The following MALRD1 variants were observed in gnomAD, a reference collection of about 807,000 sequenced individuals.
The protein encoded by MALRD1 is MAM and LDL-receptor class A domain-containing protein 1.
In MALRD1, 247 loss-of-function variants were observed where a neutral mutation model predicts 242.1. That is an observed-to-expected ratio of 1.02 (90% CI 0.92 to 1.13). MALRD1 has a LOEUF of 1.13. Among genes scored for constraint, MALRD1 ranks in the 50% most tolerant of loss-of-function variants. The pLI, the probability that MALRD1 is intolerant of heterozygous loss-of-function variation, is 0.00. For synonymous variants in MALRD1, 995 were observed against 866.6 expected, an observed-to-expected ratio of 1.15 and a Z score of -2.60; for missense variants, 2,989 against 2,533.1, an observed-to-expected ratio of 1.18 and a Z score of -3.86.
chr10:19,653,223 G>A (rs1032612711), intron 36 of MALRD1, among the ~76,000 whole-genome samples: 1 of 151,684 alleles, frequency 6.6e-6, no homozygotes, highest in Non-Finnish European at 1.5e-5. Flanking sequence ...TTGAGACAGA[G>A]TTTCACTCTG....
At chr10:19,555,401 T>C (rs1835676303) in intron 32 of MALRD1, among the ~76,000 whole-genome samples, 1 of 152,020 alleles carries the variant, frequency 6.6e-6, no homozygotes, top group Admixed American at 6.6e-5. Context: ...ACCATGGAGG[T>C]CAGAGTGGGC....
Position 19,358,195 on chromosome 10 carries a change from AGTGTGT to A in MALRD1, c.4441+5929_4441+5934del, listed in dbSNP as rs776862926. On this transcript the variant is annotated intron_variant, in intron 26 of 39. Transcript: ENST00000454679. ...ATATATGCAATCAGGGCAGGAGTCAAGTGTGTGTGTGTGTGTGTGTGTGTGTGTGTG... is the reference window on the plus strand; with the variant it reads ...ATATATGCAATCAGGGCAGGAGTCAAGTGTGTGTGTGTGTGTGTGTGTGTG... 5.5e-3 allele frequency among the ~76,000 whole-genome samples: 807 copies of A among 145,672 alleles called. 8 individuals carry two copies. The highest frequency in any genetic ancestry group is 0.021 in the Middle Eastern group (6 of 286).
At chr10:19,734,062 A>G (rs561931425) in intron 39 of MALRD1, 95 bp from the exon 40 acceptor site, 2 of 935,588 alleles carry the variant, frequency 2.1e-6, no homozygotes, top group Non-Finnish European at 3.2e-6. Flanking sequence ...GTGAAAATCC[A>G]TTGGGACCTT....
intron 32 of MALRD1, among the ~76,000 whole-genome samples, chr10:19,532,762 A>G (rs1370434865): frequency 6.8e-6 from 1 of 148,124 alleles, no homozygotes. Flanking sequence ...TGTTTTTTCA[A>G]AGGAAGCCAG....
intron 25 of MALRD1, among the ~76,000 whole-genome samples, chr10:19,350,958 T>C (rs182965458): frequency 3.2e-4 from 49 of 152,266 alleles, no homozygotes; most frequent in South Asian, 1.0e-3. Flanking sequence ...ACAGAGCTCA[T>C]GTTGGGAAAG....
chr10:19,716,204 G>A (rs755395817), intron 38 of MALRD1, among the ~76,000 whole-genome samples: 2 of 152,160 alleles, frequency 1.3e-5, no homozygotes, highest in Non-Finnish European at 2.9e-5. Context: ...TTTTTTAAAA[G>A]GAGGTGGTAT....
In MALRD1 at chr10:19,734,256, T is replaced by A; in HGVS notation, c.*19T>A. On this transcript the variant is annotated 3_prime_UTR_variant, in exon 40 of 40. Transcript: ENST00000454679. Reference sequence around the variant, plus strand: ...CAAATAGCAGCATCGAGACCAAGTCTGATCCAACATGTGTAGTTTCTAGAA... The same window carrying A: ...CAAATAGCAGCATCGAGACCAAGTCAGATCCAACATGTGTAGTTTCTAGAA... The A allele has an allele frequency of 2.0e-6, 3 of 1,517,672 alleles. No homozygotes were observed. Among genetic ancestry groups the A allele is most frequent in the Non-Finnish European group, 2.7e-6 (3 of 1,130,368 alleles). The allele number at this position is 1,517,672 out of a possible 1,614,324, so 94.0% of individuals were successfully genotyped here.
At chr10:19,111,078 G>C (rs980254201) in intron 5 of MALRD1, among the ~76,000 whole-genome samples, 1 of 152,068 alleles carries the variant, frequency 6.6e-6, no homozygotes, top group Non-Finnish European at 1.5e-5. Flanking sequence ...CTTTGTCTCT[G>C]GGAACCAAAG....
intron 29 of MALRD1, chr10:19,489,117 C>G: frequency 2.2e-6 from 1 of 464,828 alleles, no homozygotes; most frequent in Non-Finnish European, 4.4e-6. Flanking sequence ...GGAAGGTCAG[C>G]TCTGCTGAAG....
intron 10 of MALRD1, among the ~76,000 whole-genome samples, chr10:19,141,834 C>T (rs1326831829): frequency 1.3e-5 from 2 of 151,932 alleles, no homozygotes; most frequent in Non-Finnish European, 2.9e-5. Flanking sequence ...TTGTATGATT[C>T]ATTAATTTTT....
chr10:19,375,246 A>G (rs190689356), intron 26 of MALRD1, among the ~76,000 whole-genome samples: 3 of 152,294 alleles, frequency 2.0e-5, no homozygotes, highest in Admixed American at 6.5e-5. Context: ...GGTAATTTTA[A>G]TATTTCATTT....
At chr10:19,276,440 A>G (rs1046467009) in intron 19 of MALRD1, among the ~76,000 whole-genome samples, 1 of 152,162 alleles carries the variant, frequency 6.6e-6, no homozygotes, top group African/African-American at 2.4e-5. Context: ...AATTTGTTCC[A>G]TATATTCCAC....
At chr10:19,234,063 T>TAG (rs1838196790) in intron 18 of MALRD1, among the ~76,000 whole-genome samples, 1 of 152,004 alleles carries the variant, frequency 6.6e-6, no homozygotes, top group African/African-American at 2.4e-5. Context: ...CATAATAAAA[T>TAG]AGAAATAGTA....
intron 26 of MALRD1, among the ~76,000 whole-genome samples, chr10:19,374,932 G>A (rs1845535924): frequency 6.6e-6 from 1 of 152,196 alleles, no homozygotes; most frequent in Non-Finnish European, 1.5e-5. Flanking sequence ...TTGTAAATCA[G>A]AAGCAAAGGA....
rs548191331 is a variant in MALRD1, at chr10:19,340,084, C to T, written c.3902-7687C>T. On this transcript the variant is annotated intron_variant, in intron 24 of 39. Transcript: ENST00000454679. The stretch of plus-strand genomic sequence containing the variant: ...TCTAATTACCTCCTACCAGGTCCCT[C>T]TCTGACACTTGGAGATTACAATTTG... Among the ~76,000 whole-genome samples, 107 of 152,230 alleles carry T rather than the reference C, an allele frequency of 7.0e-4. 1 individual carries two copies. The highest frequency in any genetic ancestry group is 2.5e-3 in the African/African-American group (102 of 41,560).
chr10:19,056,512 C>A (rs560271326), intron 1 of MALRD1, among the ~76,000 whole-genome samples: 1 of 151,524 alleles, frequency 6.6e-6, no homozygotes, highest in Non-Finnish European at 1.5e-5. Context: ...TATAGAAAAA[C>A]GATTGATTTT....
intron 19 of MALRD1, among the ~76,000 whole-genome samples, chr10:19,278,941 T>C (rs1300554971): frequency 6.6e-6 from 1 of 152,112 alleles, no homozygotes; most frequent in Non-Finnish European, 1.5e-5. Flanking sequence ...TATATACATA[T>C]TTACACTCAC....
chr10:19,160,294 G>A (rs918274476), intron 12 of MALRD1, among the ~76,000 whole-genome samples: 11 of 144,564 alleles, frequency 7.6e-5, no homozygotes, highest in Non-Finnish European at 1.2e-4. Context: ...AACCAGCCTT[G>A]CATCCCAGGG....
chr10:19,063,605 A>T (rs1834886115), intron 1 of MALRD1, among the ~76,000 whole-genome samples: 1 of 150,702 alleles, frequency 6.6e-6, no homozygotes, highest in Non-Finnish European at 1.5e-5. Flanking sequence ...GTCCCTACAA[A>T]GGACATGAAC....
Sources: gnomAD v4.1 joint callset for allele counts (sites outside exome capture counted in the v4.1 genomes callset) on GRCh38, gnomAD v4.1.1 for gene constraint, MANE v1.5 for transcripts, NCBI Gene and HGNC (gene_info 2026-07-23, HGNC 2026-07-21) for gene names.